Variants in SUPT3H observed in about 807,000 individuals in gnomAD.
SUPT3H encodes SPT3 homolog, SAGA and STAGA complex component.
Under a neutral mutation model 44.3 loss-of-function variants are expected in SUPT3H, and 44 were observed. The ratio of observed to expected loss-of-function variants is 0.99; its 90% confidence interval spans 0.78 to 1.28. SUPT3H has a LOEUF of 1.28. SUPT3H is among the 50% of genes most tolerant of loss of function. The pLI is 0.00. For synonymous variants in SUPT3H, 124 were observed against 125.6 expected (o/e 0.99, Z 0.09); for missense variants, 380 against 387.1 (o/e 0.98, Z 0.15).
chr6:44,918,121 TC>T (rs1349104140), intron 10 of SUPT3H, among the ~76,000 whole-genome samples: 11 of 152,128 alleles, frequency 7.2e-5, no homozygotes, highest in Non-Finnish European at 1.0e-4. Context: ...CTAAGATCTC[TC>T]TTTAGAAATA....
At chr6:45,054,425 G>A (rs1302188298) in intron 3 of SUPT3H, among the ~76,000 whole-genome samples, 1 of 152,118 alleles carries the variant, frequency 6.6e-6, no homozygotes, top group Non-Finnish European at 1.5e-5. Flanking sequence ...TATCCAATCA[G>A]ACTTCTGCAC....
At position 45,052,025 on chromosome 6, in the gene SUPT3H, G is replaced by C. The variant is rs1024769942; in HGVS notation, c.187-31393C>G. Among the ~76,000 whole-genome samples, 3 of 152,274 alleles carry C rather than the reference G, an allele frequency of 2.0e-5. No individual in the cohort carries two copies. The East Asian group carries it at 5.8e-4, about 29-fold the overall frequency. On this transcript the variant is annotated intron_variant, in intron 3 of 10. Transcript: ENST00000371459. ...ATGGCTACTGAAATGATCAAGAATT[G>C]TAACAGGAGTATTATAGACAAAAGC...
intron 2 of SUPT3H, among the ~76,000 whole-genome samples, chr6:45,240,814 GC>G (rs1239769484): frequency 6.6e-6 from 1 of 152,186 alleles, no homozygotes; most frequent in Non-Finnish European, 1.5e-5. Context: ...TGATATGCCT[GC>G]TGTAGGAGCT....
intron 2 of SUPT3H, among the ~76,000 whole-genome samples, chr6:45,127,763 CTTT>C (rs925931190): frequency 6.6e-6 from 1 of 152,068 alleles, no homozygotes; most frequent in East Asian, 1.9e-4. Context: ...TCAATTTTCA[CTTT>C]TTTTATCTTC....
chr6:45,075,539 T>C (rs1794899894), intron 3 of SUPT3H, among the ~76,000 whole-genome samples: 1 of 152,160 alleles, frequency 6.6e-6, no homozygotes, highest in African/African-American at 2.4e-5. Context: ...AGTCATTACA[T>C]TATCTGGTAA....
At position 45,241,413 on chromosome 6, in the gene SUPT3H, T is replaced by G. The variant is rs116063925; in HGVS notation, c.101+123788A>C. ...CACAAATAATGGCATGAGCAATCTGTGCCTTAAGGACATGTTTCTGCTGCA... is the reference window on the plus strand; with the variant it reads ...CACAAATAATGGCATGAGCAATCTGGGCCTTAAGGACATGTTTCTGCTGCA... On this transcript the variant is annotated intron_variant, in intron 2 of 10. Coordinates refer to ENST00000371459, the MANE Select transcript of SUPT3H (RefSeq NM_003599.4). Among the ~76,000 whole-genome samples the G allele has an allele frequency of 4.4e-3, 676 of 152,338 alleles. 6 individuals carry two copies. The highest frequency in any genetic ancestry group is 0.016 in the African/African-American group (649 of 41,582).
chr6:45,020,425 A>T, intron 4 of SUPT3H, 121 bp downstream of exon 4: 2 of 664,942 alleles, frequency 3.0e-6, no homozygotes, highest in Non-Finnish European at 4.9e-6. Context: ...GAAGACTAAA[A>T]CATCAGTTCA....
chr6:45,248,278 G>A (rs995899436), intron 2 of SUPT3H, among the ~76,000 whole-genome samples: 2 of 152,062 alleles, frequency 1.3e-5, no homozygotes, highest in African/African-American at 4.8e-5. Context: ...CTCTGCCAAA[G>A]ATGCTGTTGG....
intron 2 of SUPT3H, among the ~76,000 whole-genome samples, chr6:45,110,186 T>C (rs1327617018): frequency 1.3e-5 from 2 of 152,206 alleles, no homozygotes; most frequent in African/African-American, 2.4e-5. Context: ...GCAAACAGTA[T>C]TGGCTTTATT....
intron 11 of SUPT3H, among the ~76,000 whole-genome samples, chr6:44,817,202 T>A: frequency 2.2e-5 from 3 of 137,456 alleles, no homozygotes; most frequent in South Asian, 2.3e-4. Flanking sequence ...GTTCAACAAG[T>A]AAAAATCAAT....
intron 10 of SUPT3H, among the ~76,000 whole-genome samples, chr6:44,839,344 C>T (rs1462338690): frequency 1.3e-5 from 2 of 151,714 alleles, no homozygotes; most frequent in Non-Finnish European, 2.9e-5. Flanking sequence ...AACTGGGTCT[C>T]GCCCAGGCTA....
chr6:44,829,790 G>T lies in SUPT3H; in HGVS notation c.*26C>A. 6.2e-7 allele frequency: 1 copy of T among 1,610,326 alleles called. No individual in the cohort carries two copies. The highest frequency in any genetic ancestry group is 8.5e-7 in the Non-Finnish European group (1 of 1,177,654). ...TTAATATAACATTGCCTTTCCTGTT[G>T]TTGCAGGCACATCACAGTTGTCACA... On this transcript the variant is annotated 3_prime_UTR_variant, in exon 11 of 11. Transcript: ENST00000371459.
intron 1 of SUPT3H, among the ~76,000 whole-genome samples, chr6:45,372,532 T>A (rs1796227121): frequency 6.6e-6 from 1 of 152,232 alleles, no homozygotes; most frequent in African/African-American, 2.4e-5. Context: ...ATTTCAAGAT[T>A]TTTTAATGAT....
At chr6:45,260,631 CA>C (rs1365812908) in intron 2 of SUPT3H, among the ~76,000 whole-genome samples, 1 of 152,038 alleles carries the variant, frequency 6.6e-6, no homozygotes, top group Non-Finnish European at 1.5e-5. Flanking sequence ...AATGAATTAA[CA>C]TTAACTACAC....
intron 10 of SUPT3H, among the ~76,000 whole-genome samples, chr6:44,929,143 T>TTAAGTATTC (rs1167633047): frequency 1.3e-5 from 2 of 151,946 alleles, no homozygotes; most frequent in Non-Finnish European, 1.5e-5. Flanking sequence ...TAACATGGCT[T>TTAAGTATTC]TAAGTATTCC....
chr6:45,049,919 A>T (rs759708786), intron 3 of SUPT3H, among the ~76,000 whole-genome samples: 1 of 152,228 alleles, frequency 6.6e-6, no homozygotes, highest in Non-Finnish European at 1.5e-5. Context: ...ATAAAATAAG[A>T]ACCAAAAGAA....
At chr6:44,886,308 A>T (rs1215757484) in intron 10 of SUPT3H, among the ~76,000 whole-genome samples, 1 of 152,062 alleles carries the variant, frequency 6.6e-6, no homozygotes, top group African/African-American at 2.4e-5. Context: ...TCCAAGACAC[A>T]TAATTGTCAG....
intron 11 of SUPT3H, among the ~76,000 whole-genome samples, chr6:44,820,844 TAGAG>T (rs1767254945): frequency 6.6e-6 from 1 of 152,150 alleles, no homozygotes; most frequent in Non-Finnish European, 1.5e-5. Context: ...GAAGGTCTTA[TAGAG>T]AAAGTGATTT....
intron 2 of SUPT3H, among the ~76,000 whole-genome samples, chr6:45,235,908 G>A (rs1184079845): frequency 6.6e-6 from 1 of 152,108 alleles, no homozygotes; most frequent in African/African-American, 2.4e-5. Flanking sequence ...CCACTTAAAG[G>A]CTTTCCTAAA....
Sources: allele counts gnomAD v4.1 joint callset (sites outside exome capture counted in the v4.1 genomes callset), GRCh38; gene constraint gnomAD v4.1.1; transcripts MANE v1.5; gene names NCBI Gene and HGNC (gene_info 2026-07-23, HGNC 2026-07-21).